The following FRMD4A variants were observed in gnomAD, a reference collection of about 807,000 sequenced individuals.
FRMD4A encodes the protein FERM domain-containing protein 4A.
A neutral mutation model predicts 129.1 loss-of-function variants in FRMD4A; 29 were observed. That is an observed-to-expected ratio of 0.22 (90% CI 0.17 to 0.31). The LOEUF (loss-of-function observed/expected upper bound fraction) is 0.31, where lower values mean the gene tolerates loss of function less well. Ranked by LOEUF, FRMD4A falls within the 10% of genes least tolerant of loss-of-function variation. The pLI is 1.00. For missense variants in FRMD4A, 1,272 were observed against 1,375.8 expected, an observed-to-expected ratio of 0.92 and a Z score of 1.19; for synonymous variants, 634 against 571.6, an observed-to-expected ratio of 1.11 and a Z score of -1.56.
intron 2 of FRMD4A, among the ~76,000 whole-genome samples, chr10:14,042,667 A>G (rs74970074): frequency 0.019 from 2,922 of 152,252 alleles, 39 homozygotes; most frequent in South Asian, 0.055. Context: ...TAGATAAGAA[A>G]TTTATTTGAA....
At chr10:13,921,112 G>C (rs536952466) in intron 2 of FRMD4A, among the ~76,000 whole-genome samples, 1 of 152,284 alleles carries the variant, frequency 6.6e-6, no homozygotes, top group East Asian at 1.9e-4. Flanking sequence ...ATTTTGGTGA[G>C]GGCTCCTCTT....
At chr10:14,234,004 G>A (rs1374869939) in intron 2 of FRMD4A, among the ~76,000 whole-genome samples, 4 of 152,194 alleles carry the variant, frequency 2.6e-5, no homozygotes, top group Middle Eastern at 3.2e-3. Context: ...ACTGTGCCAA[G>A]ATAAAGGGCT....
At chr10:14,092,288 G>A (rs1178486354) in intron 2 of FRMD4A, among the ~76,000 whole-genome samples, 1 of 152,188 alleles carries the variant, frequency 6.6e-6, no homozygotes, top group Non-Finnish European at 1.5e-5. Flanking sequence ...TTGAATAAAG[G>A]CAGCATCAAC....
intron 2 of FRMD4A, among the ~76,000 whole-genome samples, chr10:13,918,044 G>A (rs1231762341): frequency 1.3e-5 from 2 of 152,220 alleles, no homozygotes; most frequent in Non-Finnish European, 2.9e-5. Flanking sequence ...CAGCTGACCT[G>A]CTGTTGAAAA....
chr10:13,923,581 T>C (rs1212289579), intron 2 of FRMD4A, among the ~76,000 whole-genome samples: 1 of 152,232 alleles, frequency 6.6e-6, no homozygotes, highest in Non-Finnish European at 1.5e-5. Flanking sequence ...CCCAAACCTA[T>C]GTTTACCATA....
intron 12 of FRMD4A, chr10:13,707,695 CG>C: frequency 1.0e-6 from 1 of 985,552 alleles, no homozygotes; most frequent in South Asian, 4.7e-5. Flanking sequence ...GACCTTATTT[CG>C]GGGGCAGGCA....
At chr10:13,923,272 T>C (rs1367528908) in intron 2 of FRMD4A, among the ~76,000 whole-genome samples, 2 of 152,208 alleles carry the variant, frequency 1.3e-5, no homozygotes, top group Non-Finnish European at 2.9e-5. Context: ...ATCTACAGTG[T>C]ATATGTAAAT....
intron 14 of FRMD4A, among the ~76,000 whole-genome samples, chr10:13,701,023 C>T (rs1320859993): frequency 1.3e-5 from 2 of 152,012 alleles, no homozygotes; most frequent in Admixed American, 6.5e-5. Flanking sequence ...AAGGGCTTGC[C>T]TTCACGCTGC....
At chr10:13,762,172 C>T (rs1052824834) in intron 7 of FRMD4A, among the ~76,000 whole-genome samples, 7 of 152,304 alleles carry the variant, frequency 4.6e-5, no homozygotes, top group African/African-American at 1.4e-4. Flanking sequence ...CATTTTAACT[C>T]ATCTTGCCAC....
chr10:13,793,173 T>C (rs897357764), intron 5 of FRMD4A, among the ~76,000 whole-genome samples: 2 of 99,398 alleles, frequency 2.0e-5, no homozygotes, highest in African/African-American at 6.3e-5. Flanking sequence ...CCTCTGTTTC[T>C]TTTTTTTTTT....
intron 3 of FRMD4A, among the ~76,000 whole-genome samples, chr10:13,853,038 C>T (rs2094161272): frequency 6.6e-6 from 1 of 152,202 alleles, no homozygotes; most frequent in Non-Finnish European, 1.5e-5. Context: ...TATTTGCACA[C>T]AGTGGACAGT....
chr10:14,198,293 C>G (rs937898754), intron 2 of FRMD4A, among the ~76,000 whole-genome samples: 3 of 152,184 alleles, frequency 2.0e-5, no homozygotes, highest in Non-Finnish European at 4.4e-5. Flanking sequence ...GATGTTCCCG[C>G]CCACATGACC....
At chr10:13,756,367 A>T (rs777739561) in intron 8 of FRMD4A, among the ~76,000 whole-genome samples, 65 of 152,168 alleles carry the variant, frequency 4.3e-4, no homozygotes, top group Non-Finnish European at 8.1e-4. Flanking sequence ...TTTTTATTTT[A>T]TTTTTTGAGA....
In FRMD4A at chr10:14,129,411, A is replaced by T. The variant is rs1479961704; in HGVS notation, c.45+200647T>A. ...ATATATATATATATATATATATAAA[A>T]AATATGAGCTGTAGAACATACTTAG... On this transcript the variant is annotated intron_variant, in intron 2 of 24. Coordinates refer to ENST00000357447, the MANE Select transcript of FRMD4A (RefSeq NM_018027.5). Among the ~76,000 whole-genome samples the T allele has an allele frequency of 5.7e-3, 425 of 74,748 alleles. 14 individuals carry two copies. Among genetic ancestry groups the T allele is most frequent in the Non-Finnish European group, 0.011 (348 of 31,590 alleles). The allele number at this position is 74,748 out of a possible 152,430, so 49.0% of individuals were successfully genotyped here.
rs1469201471 is a variant in FRMD4A at position 13,713,948 on chromosome 10, T to C, written c.760-6835A>G. 3.8e-5 allele frequency among the ~76,000 whole-genome samples: 4 copies of C among 105,322 alleles called. 1 individual carries two copies. The Admixed American group carries it at 4.6e-4, about 12-fold the overall frequency. 69.1% of individuals were successfully genotyped at this position (105,322 alleles called of 152,430 possible). On this transcript the variant is annotated intron_variant, in intron 12 of 24. Transcript: ENST00000357447. ...ATATATAATATATACATATATGTAA[T>C]ACACACACATATATAATATATACAT...
rs562563169 is a variant in FRMD4A at position 14,152,617 on chromosome 10, G to T, written c.45+177441C>A. Among the ~76,000 whole-genome samples the T allele has an allele frequency of 1.4e-4, 21 of 152,206 alleles. No individual in the cohort carries two copies. In the South Asian group the frequency reaches 4.4e-3, roughly 32 times the overall value. ...AGAGAGAAGCCGGGCGCGGTGGCTC[G>T]CTTGAGGCCGGGAGTTCAAAACAAG... On this transcript the variant is annotated intron_variant, in intron 2 of 24. Coordinates refer to ENST00000357447, the MANE Select transcript of FRMD4A (RefSeq NM_018027.5).
intron 2 of FRMD4A, among the ~76,000 whole-genome samples, chr10:14,073,222 G>A (rs1014312329): frequency 1.3e-5 from 2 of 152,108 alleles, no homozygotes; most frequent in Non-Finnish European, 1.5e-5. Context: ...TGTATTTCTT[G>A]TAGTCCCTTT....
intron 12 of FRMD4A, chr10:13,707,543 A>G (rs1213437003): frequency 2.0e-6 from 2 of 1,000,998 alleles, no homozygotes; most frequent in African/African-American, 3.5e-5. Context: ...AGGGAGCGGT[A>G]GCCATCTGCG....
chr10:14,140,633 C>T (rs1171829764), intron 2 of FRMD4A, among the ~76,000 whole-genome samples: 3 of 152,168 alleles, frequency 2.0e-5, no homozygotes, highest in Non-Finnish European at 2.9e-5. Flanking sequence ...CTCAATCATT[C>T]ATGTGCATTC....
Sources: allele counts gnomAD v4.1 joint callset (sites outside exome capture counted in the v4.1 genomes callset), GRCh38; gene constraint gnomAD v4.1.1; transcripts MANE v1.5; gene names NCBI Gene and HGNC (gene_info 2026-07-23, HGNC 2026-07-21).